Variants in ITGA2 observed in about 807,000 individuals in gnomAD.
The protein encoded by ITGA2 is integrin alpha-2.
Under a neutral mutation model 146.3 loss-of-function variants are expected in ITGA2, and 101 were observed. The ratio of observed to expected loss-of-function variants is 0.69; its 90% CI spans 0.59 to 0.81. ITGA2 has a LOEUF of 0.81. ITGA2 is among the 40% of genes least tolerant of loss of function. The probability of loss-of-function intolerance (pLI) is 0.00; values close to 1 mark genes in which losing one functional copy is unlikely to be tolerated. For synonymous variants in ITGA2, 477 were observed against 487.1 expected, an observed-to-expected ratio of 0.98 and a Z score of 0.27; for missense variants, 1,281 against 1,402.7, an observed-to-expected ratio of 0.91 and a Z score of 1.39.
rs1561162993 is a variant in ITGA2 at position 53,090,976 on chromosome 5, C to A, written c.*377C>A. ...AGATTTTAAGGGGGAAAACTGTTCT[C>A]TTTAAAATATTTGTCTTTAAACAGC... On this transcript the variant is annotated 3_prime_UTR_variant, in exon 30 of 30. Coordinates refer to ENST00000296585, the MANE Select transcript of ITGA2 (RefSeq NM_002203.4). The A allele has an allele frequency of 2.1e-6, 1 of 481,254 alleles. No homozygotes were observed. The highest frequency in any genetic ancestry group is 3.7e-6 in the Non-Finnish European group (1 of 273,876). The allele number at this position is 481,254 out of a possible 1,614,324, so 29.8% of individuals were successfully genotyped here.
At chr5:53,065,533 GA>G (rs1203270587) in intron 14 of ITGA2, among the ~76,000 whole-genome samples, 2 of 151,800 alleles carry the variant, frequency 1.3e-5, no homozygotes, top group Admixed American at 1.3e-4. Context: ...AGACTGGAAG[GA>G]AAAGAACTAG....
intron 12 of ITGA2, 85 bp from the exon 13 acceptor site, chr5:53,062,701 T>C (rs1352574120): frequency 7.0e-7 from 1 of 1,424,446 alleles, no homozygotes; most frequent in Non-Finnish European, 9.9e-7. Flanking sequence ...TTTTTGTGTA[T>C]TGAATGAGCA....
intron 17 of ITGA2, among the ~76,000 whole-genome samples, chr5:53,070,582 G>C (rs1028814328): frequency 1.3e-5 from 2 of 151,832 alleles, no homozygotes; most frequent in African/African-American, 4.8e-5. Context: ...ATGTTATTTT[G>C]ATATTTTCCT....
chr5:53,027,486 C>A (rs1457951098), intron 2 of ITGA2, among the ~76,000 whole-genome samples: 1 of 152,172 alleles, frequency 6.6e-6, no homozygotes, highest in Non-Finnish European at 1.5e-5. Context: ...GGCTTTTCTA[C>A]CCAGGTGAAA....
At chr5:53,017,192 GTTTC>G (rs1742433714) in intron 1 of ITGA2, among the ~76,000 whole-genome samples, 1 of 152,200 alleles carries the variant, frequency 6.6e-6, no homozygotes, top group African/African-American at 2.4e-5. Context: ...TTCATGGGCT[GTTTC>G]TTTGTCATCC....
intron 24 of ITGA2, among the ~76,000 whole-genome samples, chr5:53,079,947 T>C (rs972546261): frequency 6.6e-6 from 1 of 152,112 alleles, no homozygotes; most frequent in Non-Finnish European, 1.5e-5. Flanking sequence ...CCCCCACCCA[T>C]GAGAACAGAT....
At chr5:53,030,407 C>T (rs1743168979) in intron 2 of ITGA2, among the ~76,000 whole-genome samples, 1 of 152,154 alleles carries the variant, frequency 6.6e-6, no homozygotes, top group South Asian at 2.1e-4. Context: ...CTTTGAACTC[C>T]AGTATAGAGC....
intron 2 of ITGA2, among the ~76,000 whole-genome samples, chr5:53,028,597 A>G (rs528634501): frequency 2.7e-4 from 41 of 152,168 alleles, no homozygotes; most frequent in Non-Finnish European, 5.0e-4. Flanking sequence ...ACAGTTTTAA[A>G]TATTCAGCCC....
Position 53,065,906 on chromosome 5 carries a change from C to A in ITGA2, c.1872C>A (p.Gly624=), listed in dbSNP as rs1179297460. ...HLQYFGRSLD[G]YGDLNGDSIT... is the part of the protein sequence containing the mutation. ...AGTACTTTGGGAGGTCCTTGGATGG[C>A]TATGGAGATTTAAATGGGGATTCCA... The change falls in exon 15 of 30, where the codon GGC becomes GGA. Residue 624 remains glycine, a synonymous_variant. Coordinates refer to ENST00000296585, the MANE Select transcript of ITGA2 (RefSeq NM_002203.4). 6.2e-7 allele frequency: 1 copy of A among 1,612,122 alleles called. No individual in the cohort carries two copies.
chr5:53,016,657 A>G (rs1305089434), intron 1 of ITGA2, among the ~76,000 whole-genome samples: 1 of 152,172 alleles, frequency 6.6e-6, no homozygotes, highest in Non-Finnish European at 1.5e-5. Context: ...GGAAATTTTC[A>G]CGGATGATAT....
chr5:53,055,906 T>C (rs1744605748), intron 8 of ITGA2, 78 bp from the exon 9 acceptor site: 4 of 1,417,092 alleles, frequency 2.8e-6, no homozygotes, highest in Non-Finnish European at 4.0e-6. Flanking sequence ...GAATATTGTG[T>C]TCAAAATAGG....
chr5:53,074,629 C>A (rs990077229), intron 21 of ITGA2, 152 bp downstream of exon 21: 1 of 701,014 alleles, frequency 1.4e-6, no homozygotes, highest in Non-Finnish European at 2.6e-6. Flanking sequence ...TAAATGTTTT[C>A]TTTAAATTAT....
In ITGA2 at chr5:53,081,635, T is replaced by C. The variant is rs776578821; in HGVS notation, c.3083T>C (p.Ile1028Thr). The change falls in exon 26 of 30, where the codon ATA (isoleucine) becomes ACA (threonine). Residue 1028 changes from isoleucine to threonine, a missense_variant. Ile to Thr is a moderately conservative substitution (Grantham distance 89). Around this residue, in one of 3 missense-constraint regions of ITGA2, gnomAD observed 475 missense variants for 530.5 expected, o/e 0.90. Coordinates refer to ENST00000296585, the MANE Select transcript of ITGA2 (RefSeq NM_002203.4). ...SCNADINPLK[I>T]GQTSSSVSFK... Reference sequence around the variant, plus strand: ...AATGCAGATATCAATCCACTGAAAATAGGACAAACATCTTCTTCTGTATCT... The same window carrying C: ...AATGCAGATATCAATCCACTGAAAACAGGACAAACATCTTCTTCTGTATCT... 5 of 1,613,138 alleles carry C rather than the reference T, an allele frequency of 3.1e-6. No individual in the cohort carries two copies. Among genetic ancestry groups the C allele is most frequent in the Admixed American group, 3.3e-5 (2 of 59,902 alleles).
intron 3 of ITGA2, among the ~76,000 whole-genome samples, chr5:53,043,785 A>G (rs974298172): frequency 1.3e-5 from 2 of 152,212 alleles, no homozygotes; most frequent in African/African-American, 4.8e-5. Context: ...TTTGTACCTG[A>G]GAAATAGAGT....
intron 27 of ITGA2, among the ~76,000 whole-genome samples, chr5:53,085,593 G>A (rs1746120229): frequency 6.6e-6 from 1 of 152,086 alleles, no homozygotes; most frequent in Non-Finnish European, 1.5e-5. Flanking sequence ...AGACTGGTGA[G>A]CATGGTTAAT....
intron 27 of ITGA2, among the ~76,000 whole-genome samples, chr5:53,086,676 A>G (rs1402114627): frequency 6.6e-6 from 1 of 152,192 alleles, no homozygotes; most frequent in African/African-American, 2.4e-5. Context: ...CCTCAGGGAG[A>G]TATTTTAACC....
At chr5:53,002,114 A>T (rs1335115273) in intron 1 of ITGA2, among the ~76,000 whole-genome samples, 1 of 152,110 alleles carries the variant, frequency 6.6e-6, no homozygotes, top group Non-Finnish European at 1.5e-5. Context: ...ATTTTAACTG[A>T]TAGAAAATTA....
rs566186110 is a variant in ITGA2 at position 53,074,548 on chromosome 5, C to A, written c.2664+71C>A. 196 of 1,173,258 alleles carry A rather than the reference C, an allele frequency of 1.7e-4. 2 individuals carry two copies. The South Asian group carries it at 2.3e-3, about 14-fold the overall frequency. 72.7% of individuals were successfully genotyped at this position (1,173,258 alleles called of 1,614,324 possible). A position where few individuals can be genotyped will look rare whatever the true frequency, so the allele number is the denominator to read the frequency against. On this transcript the variant is annotated intron_variant, in intron 21 of 29. Transcript: ENST00000296585. ...CACATATGCTAATTTACCAACATAA[C>A]ATCTTGCTATCATGATTTGATAGGC...
intron 25 of ITGA2, among the ~76,000 whole-genome samples, chr5:53,081,161 G>A (rs1579904267): frequency 6.6e-6 from 1 of 152,188 alleles, no homozygotes; most frequent in East Asian, 1.9e-4. Context: ...GTTCTAACAC[G>A]CAACCTGGGC....
Sources: allele counts gnomAD v4.1 joint callset (sites outside exome capture counted in the v4.1 genomes callset), GRCh38; gene constraint gnomAD v4.1.1; regional missense constraint gnomAD v4.1.1; transcripts MANE v1.5; gene names NCBI Gene and HGNC (gene_info 2026-07-23, HGNC 2026-07-21).